Variants in MYPN observed in about 807,000 individuals in gnomAD.
The protein encoded by MYPN is myopalladin.
Under a neutral mutation model 129.4 loss-of-function variants are expected in MYPN, and 63 were observed. That is an observed-to-expected ratio of 0.49 (90% confidence interval 0.40 to 0.60). The LOEUF is 0.60. MYPN is among the 20% of genes least tolerant of loss of function. The pLI is 0.00. For missense variants in MYPN, 1,596 were observed against 1,635.4 expected (o/e 0.98, Z 0.42); for synonymous variants, 629 against 600.9 (o/e 1.05, Z -0.68).
rs56006628 is a variant in MYPN at position 68,202,107 on chromosome 10, T to G, written c.3659+113T>G. 62,324 of 1,227,418 alleles carry G rather than the reference T, an allele frequency of 0.051. 1,767 individuals carry two copies. Among genetic ancestry groups the G allele is most frequent in the African/African-American group, 0.061 (4,106 of 67,600 alleles). 76.0% of individuals were successfully genotyped at this position (1,227,418 alleles called of 1,614,324 possible). A position where few individuals can be genotyped will look rare whatever the true frequency, so the allele number is the denominator to read the frequency against. ...GCTTACTTCATTTAGAATAATGCAT[T>G]TGCGTTTCATTGATATTATTGTGTG... On this transcript the variant is annotated intron_variant, in intron 18 of 19. Transcript: ENST00000358913.
intron 1 of MYPN, among the ~76,000 whole-genome samples, chr10:68,110,304 C>G (rs2042064988): frequency 6.6e-6 from 1 of 151,946 alleles, no homozygotes; most frequent in Admixed American, 6.6e-5. Flanking sequence ...TTTTCAGCTG[C>G]ATCAGAAAGA....
chr10:68,152,043 A>G (rs551583060), intron 6 of MYPN, among the ~76,000 whole-genome samples: 159 of 152,302 alleles, frequency 1.0e-3, no homozygotes, highest in African/African-American at 3.6e-3. Context: ...TGGTCTGGAA[A>G]GGCAGGACAA....
intron 8 of MYPN, chr10:68,162,017 A>C: frequency 3.4e-6 from 1 of 292,248 alleles, no homozygotes; most frequent in Non-Finnish European, 6.4e-6. Flanking sequence ...AAAATATAAA[A>C]ATTAGCCAGG....
At chr10:68,196,118 A>G (rs974472918) in intron 15 of MYPN, among the ~76,000 whole-genome samples, 7 of 152,200 alleles carry the variant, frequency 4.6e-5, no homozygotes, top group Admixed American at 2.0e-4. Flanking sequence ...CATGCTTTTA[A>G]TGGTTCAAAA....
At chr10:68,171,063 C>T (rs553846687) in intron 10 of MYPN, among the ~76,000 whole-genome samples, 1 of 149,174 alleles carries the variant, frequency 6.7e-6, no homozygotes, top group South Asian at 2.1e-4. Context: ...GCAGGAGAAT[C>T]GTTTGAATCT....
intron 2 of MYPN, among the ~76,000 whole-genome samples, chr10:68,141,397 A>C (rs2042576944): frequency 6.6e-6 from 1 of 152,048 alleles, no homozygotes; most frequent in Admixed American, 6.5e-5. Context: ...ATTGCTGTAT[A>C]AATGGTGGGA....
At chr10:68,137,687 A>G (rs374330484) in intron 2 of MYPN, among the ~76,000 whole-genome samples, 226 of 152,278 alleles carry the variant, frequency 1.5e-3, no homozygotes, top group African/African-American at 4.6e-3. Context: ...TACCGTGGAG[A>G]ATACAAGTTT....
intron 12 of MYPN, among the ~76,000 whole-genome samples, chr10:68,182,665 C>T (rs958474193): frequency 1.3e-5 from 2 of 151,730 alleles, no homozygotes; most frequent in Non-Finnish European, 2.9e-5. Flanking sequence ...CGCCACCATG[C>T]CTGGCTACTT....
intron 1 of MYPN, among the ~76,000 whole-genome samples, chr10:68,093,727 A>AT (rs1697488188): frequency 6.6e-6 from 1 of 151,720 alleles, no homozygotes; most frequent in Non-Finnish European, 1.5e-5. Context: ...ACTGCACTCC[A>AT]GCCTGGGTGA....
At chr10:68,194,850 G>T (rs571088666) in intron 14 of MYPN, among the ~76,000 whole-genome samples, 3 of 152,122 alleles carry the variant, frequency 2.0e-5, no homozygotes, top group African/African-American at 7.2e-5. Context: ...TATCAAGAAC[G>T]ATCTGTCATT....
chr10:68,095,182 A>G (rs1159450282), intron 1 of MYPN, among the ~76,000 whole-genome samples: 6 of 152,070 alleles, frequency 3.9e-5, no homozygotes, highest in Admixed American at 2.6e-4. Flanking sequence ...CTTCTCTACA[A>G]AAAATTCAAA....
chr10:68,104,516 C>A (rs937978094), upstream of MYPN, among the ~76,000 whole-genome samples: 6 of 152,188 alleles, frequency 3.9e-5, no homozygotes, highest in African/African-American at 1.4e-4. Flanking sequence ...TCTGTCATAG[C>A]ATTCTGACTG....
chr10:68,137,377 G>A (rs1479559548), intron 2 of MYPN, among the ~76,000 whole-genome samples: 1 of 152,114 alleles, frequency 6.6e-6, no homozygotes, highest in Non-Finnish European at 1.5e-5. Context: ...GTCTTTTCAG[G>A]AAATTGTGGC....
intron 1 of MYPN, among the ~76,000 whole-genome samples, chr10:68,110,807 GACA>G (rs2042071613): frequency 6.6e-6 from 1 of 152,018 alleles, no homozygotes; most frequent in Non-Finnish European, 1.5e-5. Flanking sequence ...CACATGATTT[GACA>G]ACAAGCAAAA....
chr10:68,202,131 T>C, intron 18 of MYPN, 137 bp downstream of exon 18: 2 of 1,136,786 alleles, frequency 1.8e-6, no homozygotes, highest in Non-Finnish European at 2.6e-6. Context: ...TATTATTGTG[T>C]GTATTAAGAA....
intron 12 of MYPN, among the ~76,000 whole-genome samples, chr10:68,181,574 G>A (rs910931448): frequency 6.6e-6 from 1 of 152,134 alleles, no homozygotes; most frequent in Admixed American, 6.5e-5. Context: ...ACAGGCATGA[G>A]CCACCATGCC....
upstream of MYPN, among the ~76,000 whole-genome samples, chr10:68,105,039 C>T (rs759643706): frequency 6.6e-6 from 1 of 152,202 alleles, no homozygotes; most frequent in Non-Finnish European, 1.5e-5. Context: ...CCGCCTCAGC[C>T]TGCAAAGTGC....
chr10:68,112,310 T>A (rs942190880), intron 1 of MYPN, among the ~76,000 whole-genome samples: 1 of 152,218 alleles, frequency 6.6e-6, no homozygotes, highest in Non-Finnish European at 1.5e-5. Flanking sequence ...CTGGCTGCAG[T>A]GTCTTTCACT....
chr10:68,184,368 A>G (rs1398845384), intron 12 of MYPN, among the ~76,000 whole-genome samples: 1 of 152,182 alleles, frequency 6.6e-6, no homozygotes, highest in African/African-American at 2.4e-5. Context: ...GAATGACCCA[A>G]ATAAGATTTA....
Sources: gnomAD v4.1 joint callset for allele counts (sites outside exome capture counted in the v4.1 genomes callset) on GRCh38, gnomAD v4.1.1 for gene constraint, MANE v1.5 for transcripts, NCBI Gene and HGNC (gene_info 2026-07-23, HGNC 2026-07-21) for gene names.